CACNA2D1: variants seen among roughly 807,000 people sequenced by gnomAD.
The protein encoded by CACNA2D1 is calcium voltage-gated channel auxiliary subunit alpha2delta 1, also known as voltage-dependent calcium channel subunit alpha-2/delta-1.
A neutral mutation model predicts 171.5 loss-of-function variants in CACNA2D1; 53 were observed. The observed-to-expected ratio is 0.31, with a 90% CI of 0.25 to 0.39. The LOEUF is 0.39. CACNA2D1 is among the 10% of genes least tolerant of loss of function. The pLI is 1.00. For missense variants in CACNA2D1, 903 were observed against 1,299.8 expected, an observed-to-expected ratio of 0.69 and a Z score of 4.69; for synonymous variants, 442 against 443.1, an observed-to-expected ratio of 1.00 and a Z score of 0.03.
At chr7:82,052,372 A>G (rs191308083) in intron 10 of CACNA2D1, among the ~76,000 whole-genome samples, 79 of 152,320 alleles carry the variant, frequency 5.2e-4, no homozygotes, top group African/African-American at 1.7e-3. Flanking sequence ...ATGCACGCAC[A>G]CATACAACTT....
chr7:82,443,284 C>T (rs1830648812), intron 1 of CACNA2D1, 81 bp downstream of exon 1: 3 of 1,417,762 alleles, frequency 2.1e-6, no homozygotes, highest in Non-Finnish European at 2.9e-6. Context: ...CGGAAAAGCC[C>T]CGCGACTCGG....
At chr7:82,110,146 A>G (rs1417581367) in intron 6 of CACNA2D1, among the ~76,000 whole-genome samples, 1 of 152,208 alleles carries the variant, frequency 6.6e-6, no homozygotes, top group East Asian at 1.9e-4. Flanking sequence ...GATGGAAAAG[A>G]TTACAAAATT....
intron 3 of CACNA2D1, among the ~76,000 whole-genome samples, chr7:82,199,270 T>C (rs541885732): frequency 6.6e-6 from 1 of 152,270 alleles, no homozygotes; most frequent in Admixed American, 6.5e-5. Flanking sequence ...TAATATTTGT[T>C]GTGTTACAAA....
At chr7:82,058,626 T>C (rs1447779274) in intron 10 of CACNA2D1, among the ~76,000 whole-genome samples, 1 of 152,138 alleles carries the variant, frequency 6.6e-6, no homozygotes, top group Non-Finnish European at 1.5e-5. Flanking sequence ...GAATCAGAGA[T>C]CTTATGCAGT....
rs987777060 is a variant in CACNA2D1, at chr7:81,969,037, C to T, written c.2309-64G>A. On this transcript the variant is annotated intron_variant, in intron 28 of 38. Transcript: ENST00000356860. ...ATATTGAATAATAATATTGATTTTC[C>T]GTCATTAGATACAAATGGATAGTAT... 1.1e-4 allele frequency: 102 copies of T among 945,378 alleles called. No individual in the cohort carries two copies. In the African/African-American group the frequency reaches 1.2e-3, roughly 11 times the overall value. 58.6% of individuals were successfully genotyped at this position (945,378 alleles called of 1,614,324 possible). A position where few individuals can be genotyped will look rare whatever the true frequency, so the allele number is the denominator to read the frequency against.
chr7:82,224,336 C>T (rs1033871807), intron 3 of CACNA2D1, among the ~76,000 whole-genome samples: 5 of 152,132 alleles, frequency 3.3e-5, no homozygotes, highest in Admixed American at 2.0e-4. Context: ...GCCTGTAATG[C>T]CAGCACTTTG....
intron 16 of CACNA2D1, among the ~76,000 whole-genome samples, chr7:82,006,856 A>G (rs1396169380): frequency 6.6e-6 from 1 of 152,146 alleles, no homozygotes; most frequent in African/African-American, 2.4e-5. Context: ...ACTGAGATAT[A>G]TAATAACTGA....
Position 82,397,264 on chromosome 7 carries a change from T to C in CACNA2D1, c.95+46101A>G, listed in dbSNP as rs146538045. Among the ~76,000 whole-genome samples the C allele has an allele frequency of 2.6e-5, 4 of 152,310 alleles. No homozygotes were observed. In the East Asian group the frequency reaches 5.8e-4, roughly 22 times the overall value. ...ACCTGTATCATTGTATTTGTACTTA[T>C]AACCTGTATCATTGTATTTGTACTT... On this transcript the variant is annotated intron_variant, in intron 1 of 38. Transcript: ENST00000356860.
At chr7:82,302,787 C>T (rs1169560651) in intron 3 of CACNA2D1, among the ~76,000 whole-genome samples, 1 of 152,056 alleles carries the variant, frequency 6.6e-6, no homozygotes, top group East Asian at 1.9e-4. Flanking sequence ...ATGTACAAGT[C>T]ATGCATCCCA....
At chr7:82,041,408 G>A (rs377610973) in intron 10 of CACNA2D1, among the ~76,000 whole-genome samples, 3 of 152,148 alleles carry the variant, frequency 2.0e-5, no homozygotes, top group African/African-American at 7.2e-5. Flanking sequence ...CAGGTGGTAT[G>A]TGGATTTGGA....
intron 11 of CACNA2D1, among the ~76,000 whole-genome samples, chr7:82,037,149 CA>C (rs1353768858): frequency 2.6e-5 from 4 of 152,082 alleles, no homozygotes; most frequent in Non-Finnish European, 5.9e-5. Context: ...AAATAGAGGG[CA>C]AGGCAATTTA....
At chr7:82,290,487 AAC>A (rs1811380769) in intron 3 of CACNA2D1, among the ~76,000 whole-genome samples, 1 of 152,000 alleles carries the variant, frequency 6.6e-6, no homozygotes, top group Non-Finnish European at 1.5e-5. Flanking sequence ...TCCAATTGCA[AAC>A]AGTTTCATTT....
chr7:82,059,407 T>C (rs923346247), intron 10 of CACNA2D1, among the ~76,000 whole-genome samples: 1 of 152,114 alleles, frequency 6.6e-6, no homozygotes, highest in African/African-American at 2.4e-5. Flanking sequence ...CTATTGGTTT[T>C]TATGTTAACA....
At chr7:82,096,027 T>G (rs939499606) in intron 6 of CACNA2D1, among the ~76,000 whole-genome samples, 1 of 152,234 alleles carries the variant, frequency 6.6e-6, no homozygotes, top group Non-Finnish European at 1.5e-5. Context: ...TCCCAATGTA[T>G]GTGCTTCATT....
chr7:82,278,227 A>G lies in CACNA2D1; in HGVS notation c.294+56908T>C, dbSNP rs1809609965. 3.9e-5 allele frequency among the ~76,000 whole-genome samples: 6 copies of G among 152,144 alleles called. No homozygotes were observed. In the South Asian group the frequency reaches 1.2e-3, roughly 32 times the overall value. ...CAATTTATTCAAAAGATGGAAGGCA[A>G]TTTATTTATTTGAAACATCACTGAT... On this transcript the variant is annotated intron_variant, in intron 3 of 38. Transcript: ENST00000356860.
chr7:82,042,226 A>G (rs1804051386), intron 10 of CACNA2D1, among the ~76,000 whole-genome samples: 1 of 152,204 alleles, frequency 6.6e-6, no homozygotes, highest in Non-Finnish European at 1.5e-5. Context: ...TATATTTCAC[A>G]GATATCTTAG....
chr7:82,081,241 T>C (rs2129006404), intron 7 of CACNA2D1, among the ~76,000 whole-genome samples: 1 of 152,348 alleles, frequency 6.6e-6, no homozygotes, highest in East Asian at 1.9e-4. Context: ...AGTCCTTCTA[T>C]ATTATTTTGC....
At chr7:81,958,545 T>C (rs1459871254) in intron 38 of CACNA2D1, among the ~76,000 whole-genome samples, 1 of 151,888 alleles carries the variant, frequency 6.6e-6, no homozygotes, top group Non-Finnish European at 1.5e-5. Context: ...ATGTAGTACA[T>C]ACTGATGACA....
At chr7:82,024,841 C>T (rs750733647) in intron 12 of CACNA2D1, among the ~76,000 whole-genome samples, 1 of 151,582 alleles carries the variant, frequency 6.6e-6, no homozygotes, top group Non-Finnish European at 1.5e-5. Context: ...GATAAGGATC[C>T]AATTTCATCT....
Sources: allele counts gnomAD v4.1 joint callset (sites outside exome capture counted in the v4.1 genomes callset), GRCh38; gene constraint gnomAD v4.1.1; transcripts MANE v1.5; gene names NCBI Gene and HGNC (gene_info 2026-07-23, HGNC 2026-07-21).